The following ZSWIM6 variants were observed in gnomAD, a reference collection of about 807,000 sequenced individuals.
ZSWIM6 encodes zinc finger SWIM domain-containing protein 6.
In ZSWIM6, 9 loss-of-function variants were observed where a neutral mutation model predicts 113.2. The ratio of observed to expected loss-of-function variants is 0.08; its 90% CI spans 0.05 to 0.14. ZSWIM6 has a LOEUF of 0.14. Ranked by LOEUF, ZSWIM6 falls within the 10% of genes least tolerant of loss-of-function variation. ZSWIM6 has a pLI of 1.00. For synonymous variants in ZSWIM6, 611 were observed against 606.5 expected, an observed-to-expected ratio of 1.01 and a Z score of -0.11; for missense variants, 1,162 against 1,552.2, an observed-to-expected ratio of 0.75 and a Z score of 4.22.
At chr5:61,542,351 C>A (rs1749763979) in intron 13 of ZSWIM6, among the ~76,000 whole-genome samples, 1 of 152,128 alleles carries the variant, frequency 6.6e-6, no homozygotes, top group South Asian at 2.1e-4. Context: ...GGTGATCCTC[C>A]AGATGTGTGA....
intron 1 of ZSWIM6, among the ~76,000 whole-genome samples, chr5:61,371,878 T>C (rs1745271178): frequency 6.6e-6 from 1 of 152,166 alleles, no homozygotes; most frequent in Admixed American, 6.5e-5. Flanking sequence ...AATATTTTGA[T>C]AAAGTATATT....
intron 2 of ZSWIM6, 108 bp from the exon 3 acceptor site, chr5:61,490,678 T>G: frequency 8.9e-7 from 1 of 1,123,112 alleles, no homozygotes; most frequent in Non-Finnish European, 1.2e-6. Context: ...GTATGTATAA[T>G]TGAAATTGAG....
chr5:61,528,353 G>A (rs976418733), intron 7 of ZSWIM6, among the ~76,000 whole-genome samples: 11 of 151,790 alleles, frequency 7.2e-5, no homozygotes, highest in African/African-American at 2.7e-4. Flanking sequence ...TATAAGCACA[G>A]CATTTCCTTT....
chr5:61,339,019 A>C (rs1744469013), intron 1 of ZSWIM6, among the ~76,000 whole-genome samples: 1 of 152,044 alleles, frequency 6.6e-6, no homozygotes, highest in Admixed American at 6.5e-5. Flanking sequence ...ATGGATAATC[A>C]ATTGCTGTCT....
At chr5:61,409,093 T>TC (rs1746104170) in intron 1 of ZSWIM6, among the ~76,000 whole-genome samples, 1 of 129,132 alleles carries the variant, frequency 7.7e-6, no homozygotes, top group African/African-American at 3.3e-5. Context: ...TTTTTTTTTT[T>TC]TCCCGTTTTT....
intron 1 of ZSWIM6, among the ~76,000 whole-genome samples, chr5:61,454,403 A>G (rs951683692): frequency 6.6e-6 from 1 of 151,756 alleles, no homozygotes; most frequent in Non-Finnish European, 1.5e-5. Context: ...CCACTGGCAC[A>G]TGCCATCACA....
At chr5:61,411,984 C>CT (rs1192260708) in intron 1 of ZSWIM6, among the ~76,000 whole-genome samples, 1 of 152,090 alleles carries the variant, frequency 6.6e-6, no homozygotes, top group Non-Finnish European at 1.5e-5. Context: ...CTGCTAATAC[C>CT]GATCAAATAA....
intron 1 of ZSWIM6, among the ~76,000 whole-genome samples, chr5:61,444,035 G>A (rs1746893614): frequency 6.6e-6 from 1 of 151,680 alleles, no homozygotes; most frequent in Admixed American, 6.6e-5. Context: ...CCATGTTGGT[G>A]TGCTGTACCC....
chr5:61,520,526 A>C (rs190276920), intron 4 of ZSWIM6, among the ~76,000 whole-genome samples: 3 of 152,196 alleles, frequency 2.0e-5, no homozygotes, highest in African/African-American at 7.2e-5. Context: ...ACTCATGAAC[A>C]TATAAATTTA....
At chr5:61,422,504 C>G (rs1261490180) in intron 1 of ZSWIM6, among the ~76,000 whole-genome samples, 1 of 152,080 alleles carries the variant, frequency 6.6e-6, no homozygotes, top group African/African-American at 2.4e-5. Flanking sequence ...TAATGTTATT[C>G]CTCCAGTTTT....
intron 1 of ZSWIM6, among the ~76,000 whole-genome samples, chr5:61,467,170 A>G (rs1747453108): frequency 6.6e-6 from 1 of 152,220 alleles, no homozygotes; most frequent in Admixed American, 6.5e-5. Context: ...GGAAGTGCCC[A>G]TAGCGCTTTT....
intron 1 of ZSWIM6, chr5:61,375,896 T>A (rs1013001021): frequency 2.3e-6 from 2 of 855,772 alleles, no homozygotes; most frequent in Non-Finnish European, 3.6e-6. Flanking sequence ...GAAAGTGCAA[T>A]GTCTGAGGAA....
intron 1 of ZSWIM6, among the ~76,000 whole-genome samples, chr5:61,384,875 G>A (rs1000230826): frequency 1.3e-5 from 2 of 152,120 alleles, no homozygotes; most frequent in East Asian, 1.9e-4. Context: ...GGCTAACATG[G>A]TGAAATCCCG....
chr5:61,371,521 T>A (rs964232579), intron 1 of ZSWIM6, among the ~76,000 whole-genome samples: 1 of 152,190 alleles, frequency 6.6e-6, no homozygotes, highest in African/African-American at 2.4e-5. Flanking sequence ...GCGTGGTGAT[T>A]TGTTAGGTTT....
chr5:61,505,863 C>T (rs1204059469), intron 4 of ZSWIM6, among the ~76,000 whole-genome samples: 1 of 151,764 alleles, frequency 6.6e-6, no homozygotes, highest in East Asian at 1.9e-4. Flanking sequence ...ACTCCTGCCT[C>T]AGCTTCCTTA....
At chr5:61,412,077 T>C (rs141302446) in intron 1 of ZSWIM6, among the ~76,000 whole-genome samples, 30 of 152,382 alleles carry the variant, frequency 2.0e-4, no homozygotes, top group Middle Eastern at 3.4e-3. Context: ...CTTGTAACTT[T>C]ACTTCTGGTA....
In ZSWIM6 at chr5:61,333,913, G is replaced by A. The variant is rs1170392220; in HGVS notation, c.676+965G>A. Among the ~76,000 whole-genome samples, 8 of 152,224 alleles carry A rather than the reference G, an allele frequency of 5.3e-5. No individual in the cohort carries two copies. In the East Asian group the frequency reaches 1.6e-3, roughly 30 times the overall value. ...CCGCTCGCAGCCAAAGGGGCGAGCG[G>A]GCTGCAGGAGCGCGAGGCAGAGGGC... On this transcript the variant is annotated intron_variant, in intron 1 of 13. Transcript: ENST00000252744.
At chr5:61,458,401 A>G (rs560794548) in intron 1 of ZSWIM6, among the ~76,000 whole-genome samples, 1 of 152,308 alleles carries the variant, frequency 6.6e-6, no homozygotes, top group South Asian at 2.1e-4. Context: ...CTTAACCTAA[A>G]TAAATGAGTA....
At chr5:61,541,790 G>A (rs1749744814) in intron 12 of ZSWIM6, 94 bp from the exon 13 acceptor site, 6 of 939,964 alleles carry the variant, frequency 6.4e-6, no homozygotes, top group Non-Finnish European at 9.8e-6. Context: ...GTAGACAGTA[G>A]GTATGCCTTA....
Sources: allele counts gnomAD v4.1 joint callset (sites outside exome capture counted in the v4.1 genomes callset), GRCh38; gene constraint gnomAD v4.1.1; transcripts MANE v1.5; gene names NCBI Gene and HGNC (gene_info 2026-07-23, HGNC 2026-07-21).